KPNA1: variants seen among roughly 807,000 people sequenced by gnomAD.
KPNA1 encodes importin subunit alpha-5.
In KPNA1, 10 loss-of-function variants were observed where a neutral mutation model predicts 70.5. The observed-to-expected ratio is 0.14, with a 90% CI of 0.09 to 0.24. The LOEUF (loss-of-function observed/expected upper bound fraction) is 0.24, where lower values mean the gene tolerates loss of function less well. KPNA1 is among the 10% of genes least tolerant of loss of function. The pLI, the probability that KPNA1 is intolerant of heterozygous loss-of-function variation, is 1.00. For synonymous variants in KPNA1, 192 were observed against 221.9 expected (o/e 0.87, Z 1.20); for missense variants, 397 against 637.9 (o/e 0.62, Z 4.07).
intron 2 of KPNA1, among the ~76,000 whole-genome samples, chr3:122,476,291 A>G (rs898992227): frequency 3.9e-5 from 6 of 152,218 alleles, no homozygotes; most frequent in African/African-American, 1.4e-4. Context: ...AAATTAATTC[A>G]ATATGCATTA....
chr3:122,442,983 G>T (rs1018011357), intron 9 of KPNA1: 4 of 152,318 alleles, frequency 2.6e-5, no homozygotes, highest in Non-Finnish European at 5.9e-5. Flanking sequence ...GGAGGGCAAG[G>T]TGAAGCATGA....
chr3:122,464,189 C>T (rs1036872290), intron 3 of KPNA1, 148 bp from the exon 4 acceptor site: 6 of 423,094 alleles, frequency 1.4e-5, no homozygotes, highest in African/African-American at 6.1e-5. Context: ...CATATAGAAA[C>T]GTGTAAGATT....
intron 1 of KPNA1, 27 bp downstream of exon 1, chr3:122,514,729 GC>G (rs1317838990): frequency 6.6e-6 from 1 of 152,478 alleles, no homozygotes; most frequent in East Asian, 1.9e-4. Flanking sequence ...AGGGGGAGGG[GC>G]CGGGGCCGCA....
rs2075823320 is a variant in KPNA1 at position 122,426,410 on chromosome 3, C to T, written c.*575G>A. 6.6e-6 allele frequency: 1 copy of T among 152,424 alleles called. No individual in the cohort carries two copies. Among genetic ancestry groups the T allele is most frequent in the Non-Finnish European group, 1.5e-5 (1 of 68,008 alleles). The allele number at this position is 152,424 out of a possible 1,614,324, so 9.4% of individuals were successfully genotyped here. On this transcript the variant is annotated 3_prime_UTR_variant, in exon 14 of 14. Coordinates refer to ENST00000344337, the MANE Select transcript of KPNA1 (RefSeq NM_002264.4). ...TAACTTTAATATCTGAAGAATGGCGCCAATAGAGGAAAGAAAACCATCCAA... is the reference window on the plus strand; with the variant it reads ...TAACTTTAATATCTGAAGAATGGCGTCAATAGAGGAAAGAAAACCATCCAA...
chr3:122,490,190 C>T (rs945228869), intron 2 of KPNA1, among the ~76,000 whole-genome samples: 2 of 152,252 alleles, frequency 1.3e-5, no homozygotes, highest in Non-Finnish European at 2.9e-5. Context: ...ACAGGTCTCT[C>T]TTCTTTGATA....
intron 9 of KPNA1, chr3:122,443,107 T>C (rs1309061416): frequency 2.0e-5 from 3 of 152,356 alleles, no homozygotes; most frequent in Admixed American, 2.0e-4. Context: ...CCAAACACTG[T>C]GCTTTTCCCA....
chr3:122,465,997 T>TA (rs927202953), intron 3 of KPNA1, among the ~76,000 whole-genome samples: 30 of 152,226 alleles, frequency 2.0e-4, no homozygotes, highest in Non-Finnish European at 3.2e-4. Flanking sequence ...AGAACCCTAA[T>TA]ACAATCCATA....
intron 2 of KPNA1, among the ~76,000 whole-genome samples, chr3:122,469,426 AAAG>A (rs1237627107): frequency 1.2e-4 from 19 of 152,240 alleles, no homozygotes; most frequent in Non-Finnish European, 1.5e-5. Context: ...TTACAGATTA[AAAG>A]AAGTTTCATC....
intron 1 of KPNA1, among the ~76,000 whole-genome samples, chr3:122,504,248 C>A (rs1333458336): frequency 6.6e-6 from 1 of 152,134 alleles, no homozygotes. Context: ...CAAATCAAGA[C>A]CCTGGCTAAT....
intron 3 of KPNA1, among the ~76,000 whole-genome samples, chr3:122,464,906 A>G (rs1015527411): frequency 6.6e-6 from 1 of 152,250 alleles, no homozygotes; most frequent in African/African-American, 2.4e-5. Flanking sequence ...AGGGGAATAT[A>G]TGACGCATTC....
intron 2 of KPNA1, among the ~76,000 whole-genome samples, chr3:122,477,948 T>G (rs949086221): frequency 1.1e-4 from 17 of 150,746 alleles, no homozygotes; most frequent in Admixed American, 7.9e-4. Flanking sequence ...GGGATCATGA[T>G]GTCAGGAGAT....
At chr3:122,458,234 A>C (rs562595008) in intron 5 of KPNA1, among the ~76,000 whole-genome samples, 8 of 152,318 alleles carry the variant, frequency 5.3e-5, no homozygotes, top group Middle Eastern at 3.4e-3. Context: ...GGACTCAAAG[A>C]AGCAAAAAAG....
intron 2 of KPNA1, among the ~76,000 whole-genome samples, chr3:122,495,625 A>G (rs780678872): frequency 1.3e-5 from 2 of 151,350 alleles, no homozygotes; most frequent in Non-Finnish European, 2.9e-5. Context: ...TTATAATAGA[A>G]TATCTTATTT....
In KPNA1 at chr3:122,460,117, T is replaced by G. The variant is rs544126259; in HGVS notation, c.432+1107A>C. Reference sequence around the variant, plus strand: ...TACCTAACCAATTTTTATAGCTGCATAGTCTCAGGGCCCAAGCCTTTGAGA... The same window carrying G: ...TACCTAACCAATTTTTATAGCTGCAGAGTCTCAGGGCCCAAGCCTTTGAGA... On this transcript the variant is annotated intron_variant, in intron 5 of 13. Coordinates refer to ENST00000344337, the MANE Select transcript of KPNA1 (RefSeq NM_002264.4). 4 of 985,398 alleles carry G rather than the reference T, an allele frequency of 4.1e-6. No homozygotes were observed. The Admixed American group carries it at 2.5e-4, about 61-fold the overall frequency. The allele number at this position is 985,398 out of a possible 1,614,324, so 61.0% of individuals were successfully genotyped here.
chr3:122,489,106 T>C (rs1351598449), intron 2 of KPNA1, among the ~76,000 whole-genome samples: 1 of 144,648 alleles, frequency 6.9e-6, no homozygotes, highest in African/African-American at 2.5e-5. Context: ...CGGGGGTGGG[T>C]TATTTTACCT....
intron 1 of KPNA1, among the ~76,000 whole-genome samples, chr3:122,507,664 T>C (rs2076905666): frequency 6.6e-6 from 1 of 151,984 alleles, no homozygotes; most frequent in South Asian, 2.1e-4. Context: ...CAACTGAGTA[T>C]GCTGTTATTT....
At chr3:122,477,085 C>T (rs1055290557) in intron 2 of KPNA1, among the ~76,000 whole-genome samples, 2 of 151,906 alleles carry the variant, frequency 1.3e-5, no homozygotes, top group African/African-American at 4.8e-5. Context: ...TACAACAGAC[C>T]GACGTTCTTA....
intron 1 of KPNA1, among the ~76,000 whole-genome samples, chr3:122,497,918 A>G (rs1006274573): frequency 6.6e-6 from 1 of 151,976 alleles, no homozygotes; most frequent in Admixed American, 6.6e-5. Context: ...ATGAAGTCCA[A>G]ATTAATCTGT....
At chr3:122,493,663 G>A (rs2076725743) in intron 2 of KPNA1, among the ~76,000 whole-genome samples, 1 of 152,198 alleles carries the variant, frequency 6.6e-6, no homozygotes, top group East Asian at 1.9e-4. Flanking sequence ...GAAGGAAGGA[G>A]CTTCTCAATG....
Sources: gnomAD v4.1 joint callset for allele counts (sites outside exome capture counted in the v4.1 genomes callset) on GRCh38, gnomAD v4.1.1 for gene constraint, MANE v1.5 for transcripts, NCBI Gene and HGNC (gene_info 2026-07-23, HGNC 2026-07-21) for gene names.